The following GLIS3 variants were observed in gnomAD, a reference collection of about 807,000 sequenced individuals.
GLIS3 encodes GLIS family zinc finger 3.
In GLIS3, 53 loss-of-function variants were observed where a neutral mutation model predicts 78.6. The observed-to-expected ratio is 0.67, with a 90% CI of 0.54 to 0.85. The LOEUF (loss-of-function observed/expected upper bound fraction) is 0.85. GLIS3 is among the 40% of genes least tolerant of loss of function. GLIS3 has a pLI of 0.00. For synonymous variants in GLIS3, 684 were observed against 509.9 expected, an observed-to-expected ratio of 1.34 and a Z score of -4.60; for missense variants, 1,703 against 1,231.1, an observed-to-expected ratio of 1.38 and a Z score of -5.74.
chr9:4,126,882 C>A (rs1341430811), intron 2 of GLIS3, among the ~76,000 whole-genome samples: 1 of 152,146 alleles, frequency 6.6e-6, no homozygotes, highest in Non-Finnish European at 1.5e-5. Context: ...ACAAATTAAG[C>A]TTTACATTGC....
At chr9:4,350,170 G>T (rs578125977), upstream of GLIS3, among the ~76,000 whole-genome samples, 18 of 152,332 alleles carry the variant, frequency 1.2e-4, no homozygotes, top group African/African-American at 4.1e-4. Flanking sequence ...CTATCACAAG[G>T]CCCAGTGGCG....
intron 2 of GLIS3, among the ~76,000 whole-genome samples, chr9:4,255,565 T>C (rs1236803579): frequency 6.6e-6 from 1 of 152,158 alleles, no homozygotes; most frequent in Non-Finnish European, 1.5e-5. Context: ...CATGACAAGA[T>C]ATGTAGAAAA....
rs780451348 is a variant in GLIS3, at chr9:3,879,579, G to A, written c.2145C>T (p.Ser715=). 51 of 1,613,904 alleles carry A rather than the reference G, an allele frequency of 3.2e-5. No homozygotes were observed. Among genetic ancestry groups the A allele is most frequent in the Non-Finnish European group, 4.1e-5 (48 of 1,179,996 alleles). The part of the protein sequence containing the change: ...PDLYSAPIFS[S]NYSSRSGTAA... The stretch of plus-strand genomic sequence containing the variant: ...CTGTTCCACTTCGGCTTGAATAATT[G>A]CTGGAGAAAATGGGAGCTGAAATCA... The change falls in exon 8 of 11, where the codon AGC becomes AGT. Residue 715 remains serine, a synonymous_variant. Transcript: ENST00000381971.
At chr9:4,104,048 C>T (rs1338617741) in intron 4 of GLIS3, among the ~76,000 whole-genome samples, 3 of 152,074 alleles carry the variant, frequency 2.0e-5, no homozygotes, top group Non-Finnish European at 1.5e-5. Flanking sequence ...GGGTAGGCAC[C>T]AATGTTGTCA....
At chr9:4,237,243 T>C (rs1822850416) in intron 2 of GLIS3, among the ~76,000 whole-genome samples, 2 of 151,954 alleles carry the variant, frequency 1.3e-5, no homozygotes, top group Non-Finnish European at 2.9e-5. Flanking sequence ...GCCTTTGAAA[T>C]AATTTAAATA....
At chr9:4,077,725 G>A (rs1236398797) in intron 4 of GLIS3, among the ~76,000 whole-genome samples, 1 of 152,064 alleles carries the variant, frequency 6.6e-6, no homozygotes, top group African/African-American at 2.4e-5. Flanking sequence ...GAGAAAGGGC[G>A]GGCTGGTCCT....
chr9:4,312,165 T>C (rs1180292319), intron 2 of GLIS3, among the ~76,000 whole-genome samples: 2 of 150,692 alleles, frequency 1.3e-5, no homozygotes, highest in Non-Finnish European at 2.9e-5. Context: ...TTTTGTTTTT[T>C]TAAAAGAAAG....
intron 4 of GLIS3, among the ~76,000 whole-genome samples, chr9:4,064,576 G>C (rs764518213): frequency 6.6e-6 from 1 of 152,132 alleles, no homozygotes; most frequent in Admixed American, 6.6e-5. Context: ...GTTCACTTGA[G>C]GTCAGGAGTT....
intron 4 of GLIS3, among the ~76,000 whole-genome samples, chr9:4,107,752 T>TA (rs34563848): frequency 0.028 from 3,971 of 142,588 alleles, 93 homozygotes; most frequent in African/African-American, 0.064. Context: ...ACAGGTTACC[T>TA]AAAAAAAAAA....
In GLIS3 at chr9:4,118,973, A is replaced by G; in HGVS notation, c.597-92T>C. 1 of 1,319,532 alleles carries G rather than the reference A, an allele frequency of 7.6e-7. No homozygotes were observed. The highest frequency in any genetic ancestry group is 1.1e-6 in the Non-Finnish European group (1 of 949,860). 81.7% of individuals were successfully genotyped at this position (1,319,532 alleles called of 1,614,324 possible). ...AGAGCTAAAAGAACACTGCATTGACAATCCCTTAAGTATTTCCCCTAATTA... is the reference window on the plus strand; with the variant it reads ...AGAGCTAAAAGAACACTGCATTGACGATCCCTTAAGTATTTCCCCTAATTA... On this transcript the variant is annotated intron_variant, in intron 3 of 10. Coordinates refer to ENST00000381971, the MANE Select transcript of GLIS3 (RefSeq NM_001042413.2). This position sits in a 1 kb window ranked among gnomAD's most constrained non-coding sequence, Gnocchi z 4.7.
chr9:4,029,781 G>C (rs1823668635), intron 4 of GLIS3, among the ~76,000 whole-genome samples: 1 of 152,126 alleles, frequency 6.6e-6, no homozygotes, highest in Admixed American at 6.6e-5. Flanking sequence ...GCAAATGACT[G>C]GATCTCATTC....
In GLIS3 at chr9:4,258,682, G is replaced by C. The variant is rs554935069; in HGVS notation, c.388+27356C>G. Among the ~76,000 whole-genome samples the C allele has an allele frequency of 6.6e-5, 10 of 152,264 alleles. No homozygotes were observed. In the South Asian group the frequency reaches 2.1e-3, roughly 32 times the overall value. Reference sequence around the variant, plus strand: ...CCCCTTAGAAACCTCAGAAACATCAGTTAGTTTTGAGTGGCAGAACTGGGG... The same window carrying C: ...CCCCTTAGAAACCTCAGAAACATCACTTAGTTTTGAGTGGCAGAACTGGGG... On this transcript the variant is annotated intron_variant, in intron 2 of 10. Transcript: ENST00000381971.
intron 2 of GLIS3, among the ~76,000 whole-genome samples, chr9:4,324,387 T>C (rs528099228): frequency 3.3e-5 from 5 of 152,294 alleles, no homozygotes; most frequent in African/African-American, 9.6e-5. Context: ...AACCTCAGTA[T>C]TTTCATCAGT....
At chr9:4,290,819 G>C (rs888519774) in intron 1 of GLIS3, among the ~76,000 whole-genome samples, 1 of 152,112 alleles carries the variant, frequency 6.6e-6, no homozygotes, top group Non-Finnish European at 1.5e-5. Context: ...ATTTTAACCA[G>C]AGGAAAGTGC....
rs191162092 is a variant in GLIS3, at chr9:4,323,583, G to A, written n.265-13055C>T. 9.7e-4 allele frequency among the ~76,000 whole-genome samples: 148 copies of A among 152,172 alleles called. No individual in the cohort carries two copies. In the Middle Eastern group the frequency reaches 0.01, roughly 11 times the overall value. On this transcript the variant is annotated intron_variant and non_coding_transcript_variant, in intron 2 of 4. Coordinates refer to the GLIS3 transcript ENST00000471664. ...ACTTACCTCTCAGATCTCAGCTCAGGCATCATTTCCTCAGGAGATATTTTC... is the reference window on the plus strand; with the variant it reads ...ACTTACCTCTCAGATCTCAGCTCAGACATCATTTCCTCAGGAGATATTTTC...
chr9:4,486,115 T>G, the GLIS3 span, among the ~76,000 whole-genome samples: 1 of 152,228 alleles, frequency 6.6e-6, no homozygotes, highest in Non-Finnish European at 1.5e-5. Context: ...CTATTTTCAA[T>G]GCATAATTTA....
chr9:3,942,807 G>C (rs1057330516), intron 4 of GLIS3, among the ~76,000 whole-genome samples: 2 of 152,190 alleles, frequency 1.3e-5, no homozygotes, highest in Admixed American at 1.3e-4. Context: ...ACTTTGAGCA[G>C]CAACATTCTA....
chr9:4,118,053 G>C lies in GLIS3; in HGVS notation c.1425C>G (p.Pro475=). The change falls in exon 4 of 11, where the codon CCC becomes CCG. Residue 475 remains proline (P), a synonymous_variant. Transcript: ENST00000381971. This position sits in a 1 kb window ranked among gnomAD's most constrained non-coding sequence, Gnocchi z 4.7. ...GGGGCAAGGCCAGCTGCTGGGCGTG[G>C]GGCCCGAGCTCCGGGTGGTGAAGGT... ...HAHLHHPELG[P]HAQQLALPQA... The C allele has an allele frequency of 1.9e-6, 3 of 1,587,396 alleles. No homozygotes were observed. Among genetic ancestry groups the C allele is most frequent in the Non-Finnish European group, 1.7e-6 (2 of 1,166,700 alleles).
chr9:4,486,739 G>T, the GLIS3 span, among the ~76,000 whole-genome samples: 17 of 152,198 alleles, frequency 1.1e-4, no homozygotes, highest in Non-Finnish European at 1.9e-4. Context: ...ACCCAGGCTG[G>T]AGTGCAGTGG....
Sources: allele counts gnomAD v4.1 joint callset (sites outside exome capture counted in the v4.1 genomes callset), GRCh38; gene constraint gnomAD v4.1.1; non-coding constraint Gnocchi (gnomAD v3.1); transcripts MANE v1.5; gene names NCBI Gene and HGNC (gene_info 2026-07-23, HGNC 2026-07-21).